CLASP1: variants seen among roughly 807,000 people sequenced by gnomAD.
CLASP1 encodes cytoplasmic linker associated protein 1, also known as CLIP-associating protein 1.
CLASP1 carries 38 observed loss-of-function variants against 192.3 expected under a neutral mutation model. That is an observed-to-expected ratio of 0.20 (90% CI 0.15 to 0.26). The LOEUF is 0.26. Among genes scored for constraint, CLASP1 ranks in the 10% least tolerant of loss-of-function variants. The pLI, the probability that CLASP1 is intolerant of heterozygous loss-of-function variation, is 1.00. For synonymous variants in CLASP1, 691 were observed against 712.8 expected (o/e 0.97, Z 0.49); for missense variants, 1,433 against 1,932.5 (o/e 0.74, Z 4.85).
intron 8 of CLASP1, among the ~76,000 whole-genome samples, chr2:121,481,854 G>A (rs1303898803): frequency 6.6e-6 from 1 of 152,174 alleles, no homozygotes; most frequent in Admixed American, 6.5e-5. Flanking sequence ...TTTGTTGGGA[G>A]CTGGGATGCA....
rs371404062 is a variant in CLASP1, at chr2:121,422,676, C to T, written c.2212+2463G>A. ...CTTCTTGAATATTTAATAGGAATTA[C>T]AGGCTGTTCTGCTTAAGAAAATCTA... is the stretch of plus-strand genomic sequence containing the variant. On this transcript the variant is annotated intron_variant, in intron 22 of 39. Transcript: ENST00000263710. Among the ~76,000 whole-genome samples, 15 of 152,174 alleles carry T rather than the reference C, an allele frequency of 9.9e-5. No homozygotes were observed. In the South Asian group the frequency reaches 3.1e-3, roughly 32 times the overall value.
intron 8 of CLASP1, among the ~76,000 whole-genome samples, chr2:121,490,736 C>T (rs1463252206): frequency 1.3e-5 from 2 of 152,210 alleles, no homozygotes; most frequent in Admixed American, 6.5e-5. Flanking sequence ...TTTAGGTGGG[C>T]TTCTTAGCAC....
chr2:121,430,218 G>A, intron 19 of CLASP1, 41 bp from the exon 20 acceptor site: 1 of 1,437,570 alleles, frequency 7.0e-7, no homozygotes, highest in Non-Finnish European at 9.6e-7. Flanking sequence ...AACATTTCCA[G>A]TAAGTGCCAC....
At chr2:121,372,945 G>A (rs1000333522) in intron 34 of CLASP1, among the ~76,000 whole-genome samples, 2 of 152,116 alleles carry the variant, frequency 1.3e-5, no homozygotes, top group African/African-American at 4.8e-5. Context: ...CTTCAAACAG[G>A]CCCTCCTGAC....
At chr2:121,340,792 G>A in exon 40 of CLASP1, 2 of 1,167,018 alleles carry the variant, frequency 1.7e-6, no homozygotes, top group Non-Finnish European at 2.5e-6. Context: ...CCGATGAAGG[G>A]GGTGGGGAAA....
intron 38 of CLASP1, 104 bp from the exon 40 acceptor site, chr2:121,347,258 G>A: frequency 1.3e-6 from 1 of 762,160 alleles, no homozygotes. Flanking sequence ...GTTCAACCTT[G>A]GACTTGTCAG....
chr2:121,621,671 G>C (rs1465237697), intron 1 of CLASP1, among the ~76,000 whole-genome samples: 2 of 152,106 alleles, frequency 1.3e-5, no homozygotes, highest in Admixed American at 6.5e-5. Flanking sequence ...TGATCTATAT[G>C]TCTATCTTTA....
At chr2:121,531,830 T>C (rs2094897954) in intron 2 of CLASP1, among the ~76,000 whole-genome samples, 1 of 151,412 alleles carries the variant, frequency 6.6e-6, no homozygotes, top group Admixed American at 6.6e-5. Flanking sequence ...ATCGGGCCAC[T>C]GCACTCCAGC....
At chr2:121,499,313 C>A (rs1171698998) in intron 8 of CLASP1, among the ~76,000 whole-genome samples, 2 of 151,928 alleles carry the variant, frequency 1.3e-5, no homozygotes. Context: ...TGAAAGACAC[C>A]AGACACAAAA....
At chr2:121,638,057 T>C (rs2071238106) in intron 1 of CLASP1, among the ~76,000 whole-genome samples, 1 of 152,094 alleles carries the variant, frequency 6.6e-6, no homozygotes, top group Admixed American at 6.6e-5. Flanking sequence ...TTGCAAATCA[T>C]ATATCTGACA....
intron 2 of CLASP1, chr2:121,531,023 C>T (rs936064384): frequency 5.7e-5 from 40 of 700,256 alleles, no homozygotes; most frequent in Admixed American, 2.6e-4. Context: ...AACCTGTTTT[C>T]ATAGACTTAT....
At chr2:121,368,499 C>A (rs549330025) in intron 34 of CLASP1, among the ~76,000 whole-genome samples, 1 of 152,172 alleles carries the variant, frequency 6.6e-6, no homozygotes, top group East Asian at 1.9e-4. Flanking sequence ...CAAATTCAAC[C>A]GCTGGCCCTC....
chr2:121,399,852 C>T (rs1255549122), intron 28 of CLASP1, among the ~76,000 whole-genome samples: 1 of 152,212 alleles, frequency 6.6e-6, no homozygotes, highest in Non-Finnish European at 1.5e-5. Flanking sequence ...AAGCGACCTA[C>T]AGGCCAAGTC....
At chr2:121,454,552 A>T (rs980008553) in intron 14 of CLASP1, among the ~76,000 whole-genome samples, 2 of 151,788 alleles carry the variant, frequency 1.3e-5, no homozygotes, top group Admixed American at 1.3e-4. Context: ...AGATGAGCTT[A>T]AAAAAAAATC....
intron 2 of CLASP1, among the ~76,000 whole-genome samples, chr2:121,578,912 C>T (rs2060840325): frequency 6.6e-6 from 1 of 152,112 alleles, no homozygotes; most frequent in South Asian, 2.1e-4. Flanking sequence ...TTTCCCTCTT[C>T]CTCCATATAA....
intron 33 of CLASP1, among the ~76,000 whole-genome samples, chr2:121,379,065 T>C (rs538107785): frequency 6.6e-6 from 1 of 151,690 alleles, no homozygotes; most frequent in East Asian, 1.9e-4. Context: ...GATGTAGCAA[T>C]GATCCAAGTG....
chr2:121,416,649 T>A (rs879472809), intron 23 of CLASP1, among the ~76,000 whole-genome samples: 9 of 152,116 alleles, frequency 5.9e-5, no homozygotes, highest in Admixed American at 1.3e-4. Context: ...AGAAACTTCT[T>A]CTAACCCCCG....
intron 2 of CLASP1, among the ~76,000 whole-genome samples, chr2:121,605,053 G>A (rs2064249601): frequency 6.6e-6 from 1 of 152,168 alleles, no homozygotes. Flanking sequence ...TTTTTATTCA[G>A]GAAAACTGTC....
chr2:121,402,519 C>CA, intron 26 of CLASP1: 1 of 498,374 alleles, frequency 2.0e-6, no homozygotes. Flanking sequence ...AGGAAAAAGT[C>CA]ATTCAGCTGT....
Sources: gnomAD v4.1 joint callset for allele counts (sites outside exome capture counted in the v4.1 genomes callset) on GRCh38, gnomAD v4.1.1 for gene constraint, MANE v1.5 for transcripts, NCBI Gene and HGNC (gene_info 2026-07-23, HGNC 2026-07-21) for gene names.